CNIH3: variants seen among roughly 807,000 people sequenced by gnomAD.
CNIH3 encodes the protein cornichon family AMPA receptor auxiliary protein 3.
A neutral mutation model predicts 24.1 loss-of-function variants in CNIH3; 14 were observed. The observed-to-expected ratio is 0.58, with a 90% CI of 0.38 to 0.91. The LOEUF (loss-of-function observed/expected upper bound fraction) is 0.91. CNIH3 is among the 40% of genes least tolerant of loss of function. CNIH3 has a pLI of 0.00. For missense variants in CNIH3, 178 were observed against 196.8 expected (o/e 0.90, Z 0.57); for synonymous variants, 68 against 73.8 (o/e 0.92, Z 0.40).
chr1:224,631,284 A>T (rs879761504), intron 1 of CNIH3, among the ~76,000 whole-genome samples: 1 of 152,156 alleles, frequency 6.6e-6, no homozygotes, highest in African/African-American at 2.4e-5. Context: ...ATGGCAGGCC[A>T]TGCCACCGTG....
At chr1:224,621,274 G>A (rs1683265162) in intron 1 of CNIH3, among the ~76,000 whole-genome samples, 1 of 152,240 alleles carries the variant, frequency 6.6e-6, no homozygotes, top group Admixed American at 6.5e-5. Context: ...TTTTGTTAGA[G>A]AAGATGTCTT....
chr1:224,598,557 C>T (rs1682081428), intron 3 of CNIH3, among the ~76,000 whole-genome samples: 1 of 152,162 alleles, frequency 6.6e-6, no homozygotes. Flanking sequence ...ACAGAGAGAT[C>T]TTTCACGAAA....
At chr1:224,611,747 A>G (rs990744559), upstream of CNIH3, among the ~76,000 whole-genome samples, 12 of 152,220 alleles carry the variant, frequency 7.9e-5, no homozygotes, top group African/African-American at 2.9e-4. Context: ...TCCACTCAAC[A>G]TCCATTCCCA....
At chr1:224,460,033 C>T (rs1675842938) in intron 1 of CNIH3, among the ~76,000 whole-genome samples, 1 of 152,046 alleles carries the variant, frequency 6.6e-6, no homozygotes, top group African/African-American at 2.4e-5. Flanking sequence ...CATGCCACTA[C>T]ACCTGTCTAA....
rs188307415 is a variant in CNIH3, at chr1:224,439,850, G to A, written n.203+4988G>A. 2.4e-3 allele frequency among the ~76,000 whole-genome samples: 364 copies of A among 152,180 alleles called. 2 individuals carry two copies. The highest frequency in any genetic ancestry group is 4.1e-3 in the Non-Finnish European group (279 of 68,010). On this transcript the variant is annotated intron_variant and non_coding_transcript_variant, in intron 1 of 5. Transcript: ENST00000471578. ...GTCGCCCAGGCTGGAGTGCAGTGGC[G>A]CAATCTCGGCTCACTGCAAGCTCCG... is the stretch of plus-strand genomic sequence containing the variant.
chr1:224,560,214 T>C (rs944441656), intron 3 of CNIH3, among the ~76,000 whole-genome samples: 1 of 152,220 alleles, frequency 6.6e-6, no homozygotes, highest in African/African-American at 2.4e-5. Context: ...TCCTATATTA[T>C]GTAAAACCAC....
intron 1 of CNIH3, among the ~76,000 whole-genome samples, chr1:224,442,890 G>A (rs1386708003): frequency 5.3e-5 from 8 of 152,130 alleles, no homozygotes; most frequent in Non-Finnish European, 1.2e-4. Context: ...AGTCCTATAC[G>A]TTCATTTTTG....
chr1:224,471,039 G>T (rs1209442152), intron 1 of CNIH3, among the ~76,000 whole-genome samples: 1 of 151,876 alleles, frequency 6.6e-6, no homozygotes, highest in East Asian at 1.9e-4. Context: ...CAAATACTAG[G>T]TTTTTTGTTT....
At chr1:224,474,364 C>CAAAAAAAAAA (rs34695653) in intron 1 of CNIH3, among the ~76,000 whole-genome samples, 1 of 111,760 alleles carries the variant, frequency 8.9e-6, no homozygotes. Flanking sequence ...AACTTCGCCT[C>CAAAAAAAAAA]AAAAAAAAAA....
chr1:224,463,084 G>A (rs969050435), intron 1 of CNIH3, among the ~76,000 whole-genome samples: 9 of 151,690 alleles, frequency 5.9e-5, no homozygotes, highest in Non-Finnish European at 1.2e-4. Context: ...TTTTAGTAGA[G>A]ATGGGGTTTC....
At chr1:224,459,250 A>C (rs1439764847) in intron 1 of CNIH3, 19 of 978,682 alleles carry the variant, frequency 1.9e-5, no homozygotes, top group Non-Finnish European at 2.3e-5. Flanking sequence ...CACATGCTGG[A>C]GGAAACAGAA....
intron 1 of CNIH3, among the ~76,000 whole-genome samples, chr1:224,465,159 G>C (rs1676104799): frequency 6.6e-6 from 1 of 151,348 alleles, no homozygotes; most frequent in African/African-American, 2.4e-5. Context: ...GCCCAGGCTG[G>C]AGTGCAATGG....
chr1:224,476,342 C>T (rs1676586251), intron 1 of CNIH3, among the ~76,000 whole-genome samples: 1 of 152,168 alleles, frequency 6.6e-6, no homozygotes, highest in African/African-American at 2.4e-5. Context: ...AAAGACTCCA[C>T]TAAGAAAACT....
At chr1:224,542,977 C>T (rs1042819491) in intron 2 of CNIH3, among the ~76,000 whole-genome samples, 1 of 152,138 alleles carries the variant, frequency 6.6e-6, no homozygotes, top group African/African-American at 2.4e-5. Flanking sequence ...GTGACTCATG[C>T]TAGGCCTCTA....
chr1:224,520,109 A>G (rs1437081869), intron 1 of CNIH3, among the ~76,000 whole-genome samples: 1 of 152,138 alleles, frequency 6.6e-6, no homozygotes, highest in Non-Finnish European at 1.5e-5. Flanking sequence ...CCCTGGCACC[A>G]TTTACTATTA....
intron 1 of CNIH3, among the ~76,000 whole-genome samples, chr1:224,675,091 T>C (rs540345643): frequency 1.3e-5 from 2 of 152,230 alleles, no homozygotes; most frequent in South Asian, 4.1e-4. Context: ...TTTTCTTACA[T>C]TTTCTGTGAT....
chr1:224,620,392 T>C (rs1415755400), intron 1 of CNIH3, among the ~76,000 whole-genome samples: 2 of 152,222 alleles, frequency 1.3e-5, no homozygotes, highest in Non-Finnish European at 2.9e-5. Flanking sequence ...GCCTAAGCCC[T>C]TTCTCTAACT....
At chr1:224,572,294 T>A (rs1348108618) in intron 4 of CNIH3, among the ~76,000 whole-genome samples, 1 of 152,092 alleles carries the variant, frequency 6.6e-6, no homozygotes, top group African/African-American at 2.4e-5. Context: ...GGAGGGTGAA[T>A]CACCTGAGGT....
intron 1 of CNIH3, among the ~76,000 whole-genome samples, chr1:224,621,607 C>T (rs1246232875): frequency 6.6e-6 from 1 of 152,300 alleles, no homozygotes; most frequent in Non-Finnish European, 1.5e-5. Context: ...TTTATCTCCT[C>T]CCTCCGTCAC....
Sources: gnomAD v4.1 joint callset for allele counts (sites outside exome capture counted in the v4.1 genomes callset) on GRCh38, gnomAD v4.1.1 for gene constraint, MANE v1.5 for transcripts, NCBI Gene and HGNC (gene_info 2026-07-23, HGNC 2026-07-21) for gene names.